KALRN: variants seen among roughly 807,000 people sequenced by gnomAD.
KALRN encodes kalirin.
Under a neutral mutation model 353.7 loss-of-function variants are expected in KALRN, and 70 were observed. The ratio of observed to expected loss-of-function variants is 0.20; its 90% CI spans 0.16 to 0.24. KALRN has a LOEUF of 0.24. KALRN is among the 10% of genes least tolerant of loss of function. The probability of loss-of-function intolerance (pLI) is 1.00; values close to 1 mark genes in which losing one functional copy is unlikely to be tolerated. For missense variants in KALRN, 2,791 were observed against 3,756.7 expected (o/e 0.74, Z 6.72); for synonymous variants, 1,391 against 1,434.8 (o/e 0.97, Z 0.69).
intron 1 of KALRN, among the ~76,000 whole-genome samples, chr3:124,141,635 T>C (rs2066637273): frequency 6.6e-6 from 1 of 152,222 alleles, no homozygotes; most frequent in Admixed American, 6.5e-5. Context: ...TTTATCTCCT[T>C]GGTTGCAAAT....
chr3:124,143,894 C>A (rs2066951552), intron 1 of KALRN, among the ~76,000 whole-genome samples: 1 of 152,114 alleles, frequency 6.6e-6, no homozygotes, highest in Admixed American at 6.5e-5. Context: ...AGCCAGTTTT[C>A]ATTTTAGAAC....
chr3:124,163,693 T>G (rs1340693241), intron 1 of KALRN: 1 of 985,182 alleles, frequency 1.0e-6, no homozygotes, highest in Non-Finnish European at 1.2e-6. Context: ...AACAGGACAC[T>G]GAGCTGAGTG....
At chr3:124,101,556 A>G (rs1342550954) in intron 1 of KALRN, among the ~76,000 whole-genome samples, 1 of 152,124 alleles carries the variant, frequency 6.6e-6, no homozygotes, top group African/African-American at 2.4e-5. Flanking sequence ...AAATCTCCCA[A>G]ACATTCCAAG....
chr3:124,504,651 A>G, intron 33 of KALRN: 3 of 355,474 alleles, frequency 8.4e-6, no homozygotes, highest in Non-Finnish European at 1.7e-5. Flanking sequence ...CGTGACTCAC[A>G]TCATAGCCTT....
At chr3:124,601,087 C>T (rs115984530) in intron 34 of KALRN, among the ~76,000 whole-genome samples, 2,047 of 152,288 alleles carry the variant, frequency 0.013, 44 homozygotes, top group African/African-American at 0.046. Context: ...CCCCTCCTGA[C>T]GTTAGAGCTT....
At position 124,311,064 on chromosome 3, in the gene KALRN, C is replaced by CTTTTTTTTTTTTTTTTTTTTTTTT. The variant is rs71145446; in HGVS notation, c.1092+12156_1092+12179dup. On this transcript the variant is annotated intron_variant, in intron 6 of 59. Transcript: ENST00000682506. The stretch of plus-strand genomic sequence containing the variant: ...TCAAAACCACAATGAGATACTACTT[C>CTTTTTTTTTTTTTTTTTTTTTTTT]TTTTTTTTTTTTTTTTTTTTTTTTT... Among the ~76,000 whole-genome samples, 3 of 67,526 alleles carry CTTTTTTTTTTTTTTTTTTTTTTTT rather than the reference C, an allele frequency of 4.4e-5. 1 individual carries two copies. Among genetic ancestry groups the CTTTTTTTTTTTTTTTTTTTTTTTT allele is most frequent in the African/African-American group, 5.9e-5 (1 of 17,032 alleles). 44.3% of individuals were successfully genotyped at this position (67,526 alleles called of 152,430 possible). A position where few individuals can be genotyped will look rare whatever the true frequency, so the allele number is the denominator to read the frequency against.
intron 6 of KALRN, among the ~76,000 whole-genome samples, chr3:124,312,811 G>A (rs1168886271): frequency 1.3e-4 from 20 of 152,192 alleles, no homozygotes. Flanking sequence ...TGTACCTAAC[G>A]CAAAGAGAAT....
chr3:124,697,461 C>T, intron 54 of KALRN, 132 bp from the exon 55 acceptor site: 2 of 823,606 alleles, frequency 2.4e-6, no homozygotes, highest in Non-Finnish European at 3.6e-6. Flanking sequence ...GAAAGGTATG[C>T]CACTTGGTGG....
Position 124,666,486 on chromosome 3 carries a change from ACAC to A in KALRN, c.6384_6386del (p.Asp2128_Thr2129delinsGlu). On this transcript the variant is annotated inframe_deletion, in exon 46 of 60. Transcript: ENST00000682506. ...GCTCAGGGGAAGCTGCTGCAGCAGG[ACAC>A]ATTCTATGTGATCGAGCTGGATGCA... is the stretch of plus-strand genomic sequence containing the variant. 2 of 1,614,006 alleles carry A rather than the reference ACAC, an allele frequency of 1.2e-6. No homozygotes were observed. The highest frequency in any genetic ancestry group is 1.7e-6 in the Non-Finnish European group (2 of 1,179,882).
rs183492637 is a variant in KALRN at position 124,238,525 on chromosome 3, T to C, written c.263+3582T>C. 1.2e-4 allele frequency among the ~76,000 whole-genome samples: 19 copies of C among 152,280 alleles called. No homozygotes were observed. The East Asian group carries it at 3.3e-3, about 26-fold the overall frequency. On this transcript the variant is annotated intron_variant, in intron 3 of 59. Coordinates refer to ENST00000682506, the MANE Select transcript of KALRN (RefSeq NM_001388419.1). ...AATCTTTCCTGCCCCGAATTCTAGG[T>C]TTCTGTGATATTGGAAAAAACAATG... is the stretch of plus-strand genomic sequence containing the variant.
chr3:124,357,140 T>C (rs2083509152), intron 10 of KALRN, among the ~76,000 whole-genome samples: 1 of 152,260 alleles, frequency 6.6e-6, no homozygotes, highest in African/African-American at 2.4e-5. Flanking sequence ...CTCTTGCTCT[T>C]CCTCATCATT....
chr3:124,234,839 T>C lies in KALRN; in HGVS notation c.159T>C (p.Asp53=). The C allele has an allele frequency of 6.2e-7, 1 of 1,600,864 alleles. No individual in the cohort carries two copies. The highest frequency in any genetic ancestry group is 1.3e-5 in the African/African-American group (1 of 74,744). Residue 53 remains aspartate (D), a synonymous_variant, in exon 3 of 60, where the codon GAT becomes GAC. Transcript: ENST00000682506. The part of the protein sequence containing the change: ...EKVAFVSGGR[D]KRGGPILTFP... Reference sequence around the variant, plus strand: ...TCCTCCTTCTTGCAGGGGGTCGTGATAAGCGAGGCGGACCCATCCTGACCT... The same window carrying C: ...TCCTCCTTCTTGCAGGGGGTCGTGACAAGCGAGGCGGACCCATCCTGACCT...
intron 1 of KALRN, among the ~76,000 whole-genome samples, chr3:124,136,838 C>T (rs2065974599): frequency 6.6e-6 from 1 of 152,162 alleles, no homozygotes; most frequent in Non-Finnish European, 1.5e-5. Flanking sequence ...TGTTACAAAG[C>T]TGGTGACACT....
chr3:124,106,813 A>AC (rs1212637417), intron 1 of KALRN, among the ~76,000 whole-genome samples: 5 of 151,462 alleles, frequency 3.3e-5, no homozygotes, highest in African/African-American at 1.2e-4. Context: ...CCCGATATAT[A>AC]CCCCTTTACT....
chr3:124,375,112 G>A (rs1274060930), intron 10 of KALRN, among the ~76,000 whole-genome samples: 1 of 152,178 alleles, frequency 6.6e-6, no homozygotes, highest in Non-Finnish European at 1.5e-5. Flanking sequence ...GGGAAATGAG[G>A]GAAGGGAGAG....
intron 33 of KALRN, among the ~76,000 whole-genome samples, chr3:124,549,820 T>C (rs779225705): frequency 2.0e-5 from 3 of 151,988 alleles, no homozygotes; most frequent in African/African-American, 2.4e-5. Flanking sequence ...AGGGAAACAA[T>C]TGAGATGGAA....
chr3:124,532,166 C>G (rs1013568359), intron 33 of KALRN, among the ~76,000 whole-genome samples: 1 of 152,148 alleles, frequency 6.6e-6, no homozygotes, highest in African/African-American at 2.4e-5. Flanking sequence ...ACTGAATCCC[C>G]AATAGCAGAG....
chr3:124,385,092 C>T (rs2149942726), intron 11 of KALRN, 56 bp downstream of exon 11: 3 of 1,483,100 alleles, frequency 2.0e-6, no homozygotes, highest in Middle Eastern at 1.8e-4. Flanking sequence ...AGGTCGGCTT[C>T]CTAGTAAAAT....
chr3:124,152,581 CTTTCTTTCTTTCTT>C, intron 1 of KALRN: 2 of 580,462 alleles, frequency 3.4e-6, no homozygotes, highest in Non-Finnish European at 5.8e-6. Flanking sequence ...TCTTTTCTTT[CTTTCTTTCTTTCTT>C]TTTTTTTTTT....
Sources: allele counts gnomAD v4.1 joint callset (sites outside exome capture counted in the v4.1 genomes callset), GRCh38; gene constraint gnomAD v4.1.1; transcripts MANE v1.5; gene names NCBI Gene and HGNC (gene_info 2026-07-23, HGNC 2026-07-21).